The following SEPTIN9 variants were observed in gnomAD, a reference collection of about 807,000 sequenced individuals.
The protein encoded by SEPTIN9 is septin 9, also known as septin-9.
Under a neutral mutation model 56.6 loss-of-function variants are expected in SEPTIN9, and 13 were observed. The observed-to-expected ratio is 0.23, with a 90% CI of 0.15 to 0.37. The LOEUF (loss-of-function observed/expected upper bound fraction) is 0.37. Among genes scored for constraint, SEPTIN9 ranks in the 10% least tolerant of loss-of-function variants. The pLI, the probability that SEPTIN9 is intolerant of heterozygous loss-of-function variation, is 1.00. For synonymous variants in SEPTIN9, 332 were observed against 334.1 expected (o/e 0.99, Z 0.07); for missense variants, 650 against 823.1 (o/e 0.79, Z 2.57).
At chr17:77,420,083 C>T (rs2144210967) in intron 3 of SEPTIN9, among the ~76,000 whole-genome samples, 1 of 152,268 alleles carries the variant, frequency 6.6e-6, no homozygotes, top group South Asian at 2.1e-4. Flanking sequence ...GAAGAGGTCA[C>T]AGCCCTGCCT....
chr17:77,486,725 C>G (rs1568114680), intron 4 of SEPTIN9, among the ~76,000 whole-genome samples: 1 of 152,154 alleles, frequency 6.6e-6, no homozygotes, highest in East Asian at 1.9e-4. Flanking sequence ...CTTCCTCATC[C>G]TCGTTTGTCT....
intron 2 of SEPTIN9, among the ~76,000 whole-genome samples, chr17:77,379,709 T>G (rs1026770808): frequency 2.6e-5 from 4 of 152,342 alleles, no homozygotes; most frequent in Non-Finnish European, 5.9e-5. Flanking sequence ...TCCATCATCG[T>G]GCCGGGGATG....
intron 2 of SEPTIN9, among the ~76,000 whole-genome samples, chr17:77,328,412 C>G (rs2033228166): frequency 6.6e-6 from 1 of 152,250 alleles, no homozygotes; most frequent in South Asian, 2.1e-4. Context: ...GTCACCCAGG[C>G]TGGAGTGCAG....
intron 2 of SEPTIN9, among the ~76,000 whole-genome samples, chr17:77,334,144 C>T (rs560257704): frequency 1.2e-4 from 19 of 152,008 alleles, no homozygotes; most frequent in Admixed American, 6.6e-5. Flanking sequence ...AAAAATTGGC[C>T]GGGCACAGTG....
chr17:77,463,158 A>G (rs1484255644), intron 3 of SEPTIN9, among the ~76,000 whole-genome samples: 2 of 152,084 alleles, frequency 1.3e-5, no homozygotes, highest in Non-Finnish European at 2.9e-5. Flanking sequence ...CTTATGATCT[A>G]CTTCAGAGAA....
At chr17:77,399,964 C>A (rs755224247) in intron 2 of SEPTIN9, among the ~76,000 whole-genome samples, 1 of 152,026 alleles carries the variant, frequency 6.6e-6, no homozygotes, top group East Asian at 1.9e-4. Flanking sequence ...TTTGGCCCTG[C>A]GGTGTTTTAT....
chr17:77,312,429 G>GC (rs1183195438), intron 2 of SEPTIN9, among the ~76,000 whole-genome samples: 3 of 152,074 alleles, frequency 2.0e-5, no homozygotes, highest in South Asian at 2.1e-4. Flanking sequence ...GAGTGCTCGG[G>GC]CCCCCCCTGG....
chr17:77,372,099 G>A (rs1045622165), intron 2 of SEPTIN9, among the ~76,000 whole-genome samples: 4 of 152,214 alleles, frequency 2.6e-5, no homozygotes, highest in African/African-American at 4.8e-5. Flanking sequence ...GGACCGGAGT[G>A]CAGTTGTAGC....
At position 77,369,149 on chromosome 17, in the gene SEPTIN9, A is replaced by C. The variant is rs564113461; in HGVS notation, c.77-32910A>C. Among the ~76,000 whole-genome samples, 4 of 152,214 alleles carry C rather than the reference A, an allele frequency of 2.6e-5. No individual in the cohort carries two copies. The highest frequency in any genetic ancestry group is 7.2e-5 in the African/African-American group (3 of 41,556). The stretch of plus-strand genomic sequence containing the variant: ...CTTGGGAGGCTGAGGCAGGAGAATC[A>C]CTTGAACCTGGGAGGTGGAGTTTGC... On this transcript the variant is annotated intron_variant, in intron 2 of 11. Coordinates refer to ENST00000427177, the MANE Select transcript of SEPTIN9 (RefSeq NM_001113491.2). This position sits in a 1 kb window ranked among gnomAD's most constrained non-coding sequence, Gnocchi z 4.9.
chr17:77,472,967 A>T (rs1417104262), intron 3 of SEPTIN9, among the ~76,000 whole-genome samples: 1 of 152,228 alleles, frequency 6.6e-6, no homozygotes, highest in Non-Finnish European at 1.5e-5. Context: ...AGTGACATTT[A>T]TGGAGTGTTT....
chr17:77,350,976 C>T (rs552563734), intron 2 of SEPTIN9, among the ~76,000 whole-genome samples: 3 of 151,100 alleles, frequency 2.0e-5, no homozygotes, highest in Admixed American at 1.3e-4. Flanking sequence ...GCTGTGTGCC[C>T]CCATGTGTGT....
At chr17:77,282,791 G>A (rs2031090987) in intron 1 of SEPTIN9, among the ~76,000 whole-genome samples, 1 of 152,200 alleles carries the variant, frequency 6.6e-6, no homozygotes, top group African/African-American at 2.4e-5. Flanking sequence ...GGGCTTCCAG[G>A]TGGCACATGC....
At chr17:77,394,136 G>T (rs1258483307) in intron 2 of SEPTIN9, among the ~76,000 whole-genome samples, 1 of 152,196 alleles carries the variant, frequency 6.6e-6, no homozygotes, top group Non-Finnish European at 1.5e-5. Flanking sequence ...AGGTGAAGGA[G>T]CCTTTGCAAC....
intron 1 of SEPTIN9, among the ~76,000 whole-genome samples, chr17:77,303,140 G>A (rs936699284): frequency 4.0e-5 from 6 of 151,744 alleles, no homozygotes; most frequent in South Asian, 2.1e-4. Context: ...TTGCTCTGTC[G>A]CCCAGGCTGG....
intron 2 of SEPTIN9, among the ~76,000 whole-genome samples, chr17:77,333,214 T>G (rs1027376050): frequency 2.0e-5 from 3 of 152,258 alleles, no homozygotes; most frequent in Non-Finnish European, 4.4e-5. Context: ...GCCTGATGAC[T>G]AATGCGGTTG....
intron 3 of SEPTIN9, among the ~76,000 whole-genome samples, chr17:77,447,781 C>T (rs966227223): frequency 9.2e-5 from 14 of 152,212 alleles, no homozygotes; most frequent in African/African-American, 2.4e-4. Flanking sequence ...CACACTACCA[C>T]GCCTGGCGAA....
chr17:77,374,499 G>A (rs1235665460), intron 2 of SEPTIN9: 2 of 152,246 alleles, frequency 1.3e-5, no homozygotes, highest in African/African-American at 4.8e-5. Context: ...TCTGAGGGGC[G>A]GGCCTGCCTC....
At position 77,437,159 on chromosome 17, in the gene SEPTIN9, G is replaced by C. The variant is rs1419351948; in HGVS notation, c.721+34456G>C. 2.6e-5 allele frequency among the ~76,000 whole-genome samples: 4 copies of C among 152,220 alleles called. No homozygotes were observed. The highest frequency in any genetic ancestry group is 2.1e-4 in the South Asian group (1 of 4,834). ...TTGACACCCCCGTGTGGCAGCTGCTGTGATTCTGTGACTCCTCCTCACCCC... is the reference window on the plus strand; with the variant it reads ...TTGACACCCCCGTGTGGCAGCTGCTCTGATTCTGTGACTCCTCCTCACCCC... On this transcript the variant is annotated intron_variant, in intron 3 of 11. Transcript: ENST00000427177. This position sits in a 1 kb window ranked among gnomAD's most constrained non-coding sequence, Gnocchi z 5.3.
At chr17:77,381,534 T>G (rs2035142940) in intron 2 of SEPTIN9, among the ~76,000 whole-genome samples, 1 of 152,264 alleles carries the variant, frequency 6.6e-6, no homozygotes, top group African/African-American at 2.4e-5. Context: ...GAGACCGATG[T>G]TATCTACAGT....
Sources: gnomAD v4.1 joint callset for allele counts (sites outside exome capture counted in the v4.1 genomes callset) on GRCh38, gnomAD v4.1.1 for gene constraint, Gnocchi (gnomAD v3.1) non-coding constraint, MANE v1.5 for transcripts, NCBI Gene and HGNC (gene_info 2026-07-23, HGNC 2026-07-21) for gene names.